The following CNKSR2 variants were observed in gnomAD, a reference collection of about 807,000 sequenced individuals.
CNKSR2 encodes connector enhancer of kinase suppressor of Ras 2, also known as CNK homolog protein 2.
CNKSR2 carries 14 observed loss-of-function variants against 84.4 expected under a neutral mutation model. The ratio of observed to expected loss-of-function variants is 0.17; its 90% CI spans 0.11 to 0.26. The LOEUF (loss-of-function observed/expected upper bound fraction) is 0.26. Ranked by LOEUF, CNKSR2 falls within the 10% of genes least tolerant of loss-of-function variation. The probability of loss-of-function intolerance (pLI) is 1.00; values close to 1 mark genes in which losing one functional copy is unlikely to be tolerated. For synonymous variants in CNKSR2, 275 were observed against 277.9 expected (o/e 0.99, Z 0.10); for missense variants, 485 against 771.2 (o/e 0.63, Z 4.40).
At chrX:21,378,741 C>T (rs1337595700) in intron 1 of CNKSR2, among the ~76,000 whole-genome samples, 1 of 111,386 alleles carries the variant, frequency 9.0e-6, no homozygotes, top group African/African-American at 3.3e-5. Context: ...CCCTACATTA[C>T]ATTCTTCCAG....
chrX:21,588,116 G>A (rs1293591444), intron 13 of CNKSR2, among the ~76,000 whole-genome samples: 1 of 112,103 alleles, frequency 8.9e-6, no homozygotes, highest in East Asian at 2.8e-4. Context: ...AGTACCCAAG[G>A]ATATTGAATT....
At chrX:21,462,938 C>T (rs2091080502) in intron 4 of CNKSR2, among the ~76,000 whole-genome samples, 1 of 110,259 alleles carries the variant, frequency 9.1e-6, no homozygotes, top group South Asian at 4.0e-4. Flanking sequence ...GATCTCCTGA[C>T]CTTGTGATCC....
intron 8 of CNKSR2, chrX:21,504,770 C>T (rs915003146): frequency 4.1e-5 from 12 of 293,382 alleles, no homozygotes; most frequent in Non-Finnish European, 7.1e-5. Flanking sequence ...TTTCATGTTG[C>T]TATATTCTCT....
At chrX:21,438,639 T>C (rs992731222) in intron 3 of CNKSR2, among the ~76,000 whole-genome samples, 30 of 111,416 alleles carry the variant, frequency 2.7e-4, no homozygotes, top group African/African-American at 9.4e-4. Flanking sequence ...AAAGACTTTC[T>C]AAGTATTTTT....
chrX:21,647,683 A>G (rs944428413), intron 20 of CNKSR2, among the ~76,000 whole-genome samples: 1 of 111,847 alleles, frequency 8.9e-6, no homozygotes, highest in Admixed American at 9.5e-5. Context: ...ATGAGATCAT[A>G]AAGATTAAGC....
chrX:21,405,376 C>A (rs1187796639), intron 1 of CNKSR2, among the ~76,000 whole-genome samples: 2 of 111,790 alleles, frequency 1.8e-5, no homozygotes, highest in Admixed American at 9.5e-5. Flanking sequence ...ATCTACATTT[C>A]TCTTTAGGTT....
At chrX:21,451,838 T>G (rs906817621) in intron 4 of CNKSR2, among the ~76,000 whole-genome samples, 3 of 109,929 alleles carry the variant, frequency 2.7e-5, no homozygotes, top group Non-Finnish European at 5.7e-5. Context: ...CCCTAAAACT[T>G]AAAGTATAAT....
intron 1 of CNKSR2, among the ~76,000 whole-genome samples, chrX:21,377,892 T>G (rs754597837): frequency 1.8e-5 from 2 of 111,669 alleles, no homozygotes; most frequent in African/African-American, 6.5e-5. Flanking sequence ...ACATTGCAAT[T>G]TTGATGCAAT....
At chrX:21,445,653 T>C (rs997303281) in intron 4 of CNKSR2, among the ~76,000 whole-genome samples, 6 of 111,849 alleles carry the variant, frequency 5.4e-5, no homozygotes, top group Non-Finnish European at 9.4e-5. Context: ...TCTACTTCTA[T>C]GAGCTCAATT....
At chrX:21,590,081 G>A (rs754683483) in intron 13 of CNKSR2, among the ~76,000 whole-genome samples, 42 of 111,404 alleles carry the variant, frequency 3.8e-4, no homozygotes, top group Non-Finnish European at 7.4e-4. Context: ...ACAGAAGTAG[G>A]CATGAGAAAA....
At chrX:21,521,688 A>G (rs2091785641) in intron 9 of CNKSR2, among the ~76,000 whole-genome samples, 1 of 110,455 alleles carries the variant, frequency 9.1e-6, no homozygotes, top group African/African-American at 3.3e-5. Flanking sequence ...TTTATTAGTT[A>G]TATGCTTTAT....
At position 21,640,973 on chromosome X, in the gene CNKSR2, G is replaced by A. The variant is rs1035888047; in HGVS notation, c.2693-7858G>A. ...TGGCATTTTGTGTTGTTAAGCATGC[G>A]GCCTCCTCATTGGAGCAATACTAGC... is the stretch of plus-strand genomic sequence containing the variant. On this transcript the variant is annotated intron_variant, in intron 20 of 21. Coordinates refer to ENST00000379510, the MANE Select transcript of CNKSR2 (RefSeq NM_014927.5). Among the ~76,000 whole-genome samples the A allele has an allele frequency of 7.2e-5, 8 of 111,303 alleles. No homozygotes were observed. The East Asian group carries it at 2.0e-3, about 27-fold the overall frequency.
chrX:21,517,140 T>A (rs1427991011), intron 9 of CNKSR2, among the ~76,000 whole-genome samples: 1 of 111,127 alleles, frequency 9.0e-6, no homozygotes, highest in Non-Finnish European at 1.9e-5. Flanking sequence ...ATCCCAGCAC[T>A]TTAGGAGGCT....
intron 4 of CNKSR2, among the ~76,000 whole-genome samples, chrX:21,444,049 T>C (rs781316026): frequency 4.5e-5 from 5 of 111,668 alleles, no homozygotes; most frequent in Admixed American, 9.6e-5. Flanking sequence ...AAATGTAATA[T>C]AACCATTTTA....
intron 1 of CNKSR2, among the ~76,000 whole-genome samples, chrX:21,405,207 G>A (rs2090247466): frequency 9.0e-6 from 1 of 111,444 alleles, no homozygotes; most frequent in Admixed American, 9.5e-5. Context: ...TTAGGATCTT[G>A]ACTAGGATTT....
intron 8 of CNKSR2, among the ~76,000 whole-genome samples, chrX:21,511,685 C>A (rs1033298022): frequency 1.8e-5 from 2 of 111,269 alleles, no homozygotes; most frequent in Non-Finnish European, 3.8e-5. Flanking sequence ...TTGAAGGAAA[C>A]GTATATTCAT....
At chrX:21,432,539 A>G in intron 2 of CNKSR2, 73 bp from the exon 3 acceptor site, 1 of 746,390 alleles carries the variant, frequency 1.3e-6, no homozygotes, top group African/African-American at 2.1e-5. Flanking sequence ...TGCATAATAA[A>G]GTATTCAGTA....
chrX:21,519,825 T>G (rs1483579235), intron 9 of CNKSR2, among the ~76,000 whole-genome samples: 3 of 110,796 alleles, frequency 2.7e-5, no homozygotes, highest in Non-Finnish European at 5.7e-5. Context: ...AGTATGGAGG[T>G]AGGCACTGAT....
intron 6 of CNKSR2, chrX:21,491,249 A>T (rs923247576): frequency 1.3e-4 from 15 of 111,762 alleles, no homozygotes; most frequent in Admixed American, 2.9e-4. Context: ...ATAAAAATTG[A>T]TATTGAGACA....
Sources: allele counts gnomAD v4.1 joint callset (sites outside exome capture counted in the v4.1 genomes callset), GRCh38; gene constraint gnomAD v4.1.1; transcripts MANE v1.5; gene names NCBI Gene and HGNC (gene_info 2026-07-23, HGNC 2026-07-21).